MYO3B: variants seen among roughly 807,000 people sequenced by gnomAD.
MYO3B encodes myosin-IIIb.
Under a neutral mutation model 174.6 loss-of-function variants are expected in MYO3B, and 156 were observed. That is an observed-to-expected ratio of 0.89 (90% CI 0.78 to 1.02). The LOEUF is 1.02. Among genes scored for constraint, MYO3B ranks in the 50% least tolerant of loss-of-function variants. The probability of loss-of-function intolerance (pLI) is 0.00; values close to 1 mark genes in which losing one functional copy is unlikely to be tolerated. For synonymous variants in MYO3B, 563 were observed against 569.1 expected, an observed-to-expected ratio of 0.99 and a Z score of 0.15; for missense variants, 1,632 against 1,639.4, an observed-to-expected ratio of 1.00 and a Z score of 0.08.
At chr2:170,354,836 C>T (rs1460567861) in intron 8 of MYO3B, among the ~76,000 whole-genome samples, 1 of 151,978 alleles carries the variant, frequency 6.6e-6, no homozygotes, top group Non-Finnish European at 1.5e-5. Flanking sequence ...TAAGGACTCC[C>T]CAGACTCTAT....
intron 25 of MYO3B, among the ~76,000 whole-genome samples, chr2:170,480,983 A>G (rs1685656379): frequency 6.6e-6 from 1 of 152,244 alleles, no homozygotes. Flanking sequence ...ATGGTCCACC[A>G]TATTCCCTTA....
At chr2:170,643,444 T>TGCCC (rs1698134501) in intron 32 of MYO3B, among the ~76,000 whole-genome samples, 1 of 152,164 alleles carries the variant, frequency 6.6e-6, no homozygotes, top group Admixed American at 6.5e-5. Context: ...CACCTGCAAA[T>TGCCC]GCCCTGAGAA....
intron 9 of MYO3B, among the ~76,000 whole-genome samples, chr2:170,374,758 T>TAC (rs201921789): frequency 0.025 from 3,460 of 139,970 alleles, 49 homozygotes; most frequent in South Asian, 0.032. Context: ...TATGCATACA[T>TAC]ACACACACAC....
intron 9 of MYO3B, among the ~76,000 whole-genome samples, chr2:170,381,069 T>A (rs1359158100): frequency 6.6e-6 from 1 of 152,184 alleles, no homozygotes; most frequent in Admixed American, 6.6e-5. Flanking sequence ...TGCAGTGAGC[T>A]ATGACTATGC....
intron 25 of MYO3B, among the ~76,000 whole-genome samples, chr2:170,497,718 G>A (rs1013305189): frequency 6.6e-6 from 1 of 152,042 alleles, no homozygotes; most frequent in African/African-American, 2.4e-5. Context: ...GAATTGGTAC[G>A]CATTTCTCTT....
At chr2:170,570,458 T>C (rs1234692589) in intron 32 of MYO3B, among the ~76,000 whole-genome samples, 1 of 152,184 alleles carries the variant, frequency 6.6e-6, no homozygotes, top group South Asian at 2.1e-4. Flanking sequence ...ATCTCACCGG[T>C]GAGGAAACTG....
At chr2:170,277,102 C>A (rs1460383442) in intron 7 of MYO3B, among the ~76,000 whole-genome samples, 1 of 152,158 alleles carries the variant, frequency 6.6e-6, no homozygotes, top group East Asian at 1.9e-4. Context: ...AGCAGGCATG[C>A]AGCACCTGGG....
At chr2:170,266,098 T>C (rs965687248) in intron 7 of MYO3B, among the ~76,000 whole-genome samples, 1 of 152,114 alleles carries the variant, frequency 6.6e-6, no homozygotes, top group Non-Finnish European at 1.5e-5. Flanking sequence ...GGATGGGTAA[T>C]CATAATTATG....
intron 8 of MYO3B, among the ~76,000 whole-genome samples, chr2:170,362,909 A>C (rs2094172139): frequency 6.6e-6 from 1 of 152,202 alleles, no homozygotes; most frequent in Non-Finnish European, 1.5e-5. Context: ...CCTGTTTGTC[A>C]TAGTCTTGTC....
chr2:170,524,163 T>C (rs1020133296), intron 30 of MYO3B, among the ~76,000 whole-genome samples: 1 of 152,228 alleles, frequency 6.6e-6, no homozygotes, highest in Non-Finnish European at 1.5e-5. Context: ...GCCAGTTTTT[T>C]TTCCCCCCAC....
intron 22 of MYO3B, among the ~76,000 whole-genome samples, chr2:170,429,998 A>G (rs1011444340): frequency 2.0e-4 from 28 of 141,670 alleles, no homozygotes; most frequent in Admixed American, 5.8e-4. Flanking sequence ...GTGCAGGTCC[A>G]CTTATACACA....
chr2:170,591,018 A>G (rs1310917195), intron 32 of MYO3B, among the ~76,000 whole-genome samples: 1 of 152,204 alleles, frequency 6.6e-6, no homozygotes, highest in Non-Finnish European at 1.5e-5. Context: ...AAAGGACATA[A>G]TAACAGATTT....
chr2:170,418,523 A>C (rs138312196), intron 22 of MYO3B, among the ~76,000 whole-genome samples: 320 of 152,366 alleles, frequency 2.1e-3, no homozygotes, highest in African/African-American at 6.8e-3. Context: ...TAAAAGCTCT[A>C]GCACCTAACT....
At chr2:170,199,620 G>C (rs1355071906) in intron 2 of MYO3B, among the ~76,000 whole-genome samples, 1 of 152,108 alleles carries the variant, frequency 6.6e-6, no homozygotes, top group Non-Finnish European at 1.5e-5. Flanking sequence ...GGACCACTGG[G>C]ATCTTCAAAA....
intron 7 of MYO3B, among the ~76,000 whole-genome samples, chr2:170,292,081 G>A (rs913638752): frequency 7.9e-5 from 12 of 151,972 alleles, no homozygotes; most frequent in African/African-American, 2.9e-4. Context: ...GGTCTTTTGA[G>A]ATAATTTTCT....
intron 7 of MYO3B, among the ~76,000 whole-genome samples, chr2:170,319,195 A>G (rs938038872): frequency 9.9e-5 from 15 of 152,184 alleles, no homozygotes; most frequent in African/African-American, 3.6e-4. Context: ...CACTTGTAGT[A>G]TTTGCATTTT....
intron 6 of MYO3B, among the ~76,000 whole-genome samples, chr2:170,220,958 C>T (rs753708676): frequency 6.6e-6 from 1 of 152,160 alleles, no homozygotes; most frequent in Non-Finnish European, 1.5e-5. Context: ...AATGGAGAAG[C>T]ATTTTTTCCA....
intron 32 of MYO3B, among the ~76,000 whole-genome samples, chr2:170,551,487 A>G (rs1690906457): frequency 7.1e-6 from 1 of 140,932 alleles, no homozygotes; most frequent in South Asian, 2.2e-4. Context: ...TCGTTCTTAC[A>G]TATTTCTAAT....
chr2:170,331,457 G>A (rs2093911018), intron 7 of MYO3B, among the ~76,000 whole-genome samples: 1 of 152,180 alleles, frequency 6.6e-6, no homozygotes, highest in South Asian at 2.1e-4. Context: ...GGATGTGAAA[G>A]AGGGGACAGG....
Sources: allele counts gnomAD v4.1 joint callset (sites outside exome capture counted in the v4.1 genomes callset), GRCh38; gene constraint gnomAD v4.1.1; transcripts MANE v1.5; gene names NCBI Gene and HGNC (gene_info 2026-07-23, HGNC 2026-07-21).